The following ANKDD1B variants were observed in gnomAD, a reference collection of about 807,000 sequenced individuals.
The protein encoded by ANKDD1B is ankyrin repeat and death domain containing 1B.
In ANKDD1B, 57 loss-of-function variants were observed where a neutral mutation model predicts 59.7. The observed-to-expected ratio is 0.95, with a 90% CI of 0.77 to 1.19. ANKDD1B has a LOEUF of 1.19. ANKDD1B is among the 50% of genes most tolerant of loss of function. The pLI is 0.00. For missense variants in ANKDD1B, 602 were observed against 641.9 expected (o/e 0.94, Z 0.67); for synonymous variants, 216 against 239.5 (o/e 0.90, Z 0.91).
intron 1 of ANKDD1B, among the ~76,000 whole-genome samples, chr5:75,612,332 T>TCCGCC (rs1170841613): frequency 3.1e-5 from 1 of 32,178 alleles, no homozygotes; most frequent in African/African-American, 1.1e-4. Context: ...CCCCCCGCCC[T>TCCGCC]CCGCCCCGCC....
At chr5:75,648,369 C>T (rs1176771343) in intron 7 of ANKDD1B, among the ~76,000 whole-genome samples, 2 of 151,756 alleles carry the variant, frequency 1.3e-5, no homozygotes, top group East Asian at 1.9e-4. Context: ...GCCTCCTTGT[C>T]CCCAGTCGGT....
chr5:75,621,186 G>T (rs1483240352), intron 3 of ANKDD1B, among the ~76,000 whole-genome samples: 1 of 152,166 alleles, frequency 6.6e-6, no homozygotes, highest in African/African-American at 2.4e-5. Context: ...AGGGCCAGTA[G>T]AGAAAAATGA....
intron 1 of ANKDD1B, among the ~76,000 whole-genome samples, chr5:75,613,891 C>T (rs934129416): frequency 2.6e-5 from 4 of 152,126 alleles, no homozygotes; most frequent in African/African-American, 9.7e-5. Context: ...TTTTGGGAGG[C>T]CAGGTGAGAG....
At chr5:75,626,923 A>G (rs1348829473) in intron 5 of ANKDD1B, among the ~76,000 whole-genome samples, 2 of 152,196 alleles carry the variant, frequency 1.3e-5, no homozygotes, top group African/African-American at 2.4e-5. Context: ...CTACACCATA[A>G]AAGTTTCTTT....
At chr5:75,618,098 T>C (rs772678263) in intron 2 of ANKDD1B, among the ~76,000 whole-genome samples, 1 of 151,004 alleles carries the variant, frequency 6.6e-6, no homozygotes, top group Non-Finnish European at 1.5e-5. Flanking sequence ...GTAACAATTT[T>C]AGGGACAAAA....
chr5:75,659,192 T>A, intron 9 of ANKDD1B, 91 bp from the exon 10 acceptor site: 3 of 864,964 alleles, frequency 3.5e-6, no homozygotes, highest in South Asian at 2.9e-5. Flanking sequence ...ATATATGACC[T>A]GTGTTTTCCC....
intron 1 of ANKDD1B, among the ~76,000 whole-genome samples, chr5:75,612,637 G>A (rs556016633): frequency 1.1e-4 from 17 of 152,282 alleles, no homozygotes; most frequent in African/African-American, 4.1e-4. Context: ...GGGTTGGAGA[G>A]AACAAGACAA....
At position 75,648,253 on chromosome 5, in the gene ANKDD1B, T is replaced by TA. The variant is rs1192638336; in HGVS notation, c.799-4877dup. 8.7e-3 allele frequency among the ~76,000 whole-genome samples: 323 copies of TA among 37,294 alleles called. 1 individual carries two copies. The highest frequency in any genetic ancestry group is 0.026 in the African/African-American group (270 of 10,502). 24.5% of individuals were successfully genotyped at this position (37,294 alleles called of 152,430 possible). A position where few individuals can be genotyped will look rare whatever the true frequency, so the allele number is the denominator to read the frequency against. ...TGTACCCTAAAACTTAAAGTATAAT[T>TA]AAAAAAAAAAAATTAAAAAAAAAAA... On this transcript the variant is annotated intron_variant, in intron 7 of 13. Coordinates refer to ENST00000601380, the MANE Select transcript of ANKDD1B (RefSeq NM_001276713.2).
At chr5:75,625,515 T>C in intron 3 of ANKDD1B, 132 bp from the exon 4 acceptor site, 2 of 691,818 alleles carry the variant, frequency 2.9e-6, no homozygotes, top group Non-Finnish European at 4.8e-6. Context: ...AAATATCACT[T>C]TTGCTGCATA....
At chr5:75,630,790 C>T (rs1188276379) in intron 5 of ANKDD1B, among the ~76,000 whole-genome samples, 2 of 152,168 alleles carry the variant, frequency 1.3e-5, no homozygotes, top group South Asian at 2.1e-4. Context: ...CATGGCTGGA[C>T]CCAGCTCTTT....
chr5:75,666,643 A>G, intron 11 of ANKDD1B, 149 bp from the exon 12 acceptor site: 1 of 393,470 alleles, frequency 2.5e-6, no homozygotes, highest in Non-Finnish European at 4.3e-6. Flanking sequence ...AAAAAAAAAA[A>G]ATATATATAT....
rs999281985 is a variant in ANKDD1B, at chr5:75,611,630, A to AGACTATGG, written c.-4_4dup. 1.6e-6 allele frequency: 2 copies of AGACTATGG among 1,230,626 alleles called. No individual in the cohort carries two copies. Among genetic ancestry groups the AGACTATGG allele is most frequent in the African/African-American group, 3.1e-5 (2 of 64,012 alleles). 76.2% of individuals were successfully genotyped at this position (1,230,626 alleles called of 1,614,324 possible). A position where few individuals can be genotyped will look rare whatever the true frequency, so the allele number is the denominator to read the frequency against. On this transcript the variant is annotated 5_prime_UTR_variant, in exon 1 of 14. In the 5' UTR this introduces an upstream ATG that the reference lacks. Transcript: ENST00000601380. ...GCCCTGCGCTCAGGGCCCGCGGAGGAGACTATGGACCCCGCCGGGCGCGCC... is the reference window on the plus strand; with the variant it reads ...GCCCTGCGCTCAGGGCCCGCGGAGGAGACTATGGGACTATGGACCCCGCCGGGCGCGCC...
At chr5:75,639,026 A>G (rs534451800) in intron 7 of ANKDD1B, among the ~76,000 whole-genome samples, 23 of 152,340 alleles carry the variant, frequency 1.5e-4, no homozygotes, top group Middle Eastern at 3.4e-3. Flanking sequence ...AGTAGATTGT[A>G]GGGTCCAAGA....
intron 13 of ANKDD1B, 123 bp downstream of exon 13, chr5:75,669,506 A>G (rs1775414355): frequency 1.2e-6 from 1 of 831,344 alleles, no homozygotes; most frequent in Non-Finnish European, 1.6e-6. Context: ...CACACGGAGT[A>G]TGGAACTATG....
At chr5:75,639,909 T>A (rs1044067469) in intron 7 of ANKDD1B, among the ~76,000 whole-genome samples, 12 of 152,256 alleles carry the variant, frequency 7.9e-5, no homozygotes, top group Admixed American at 1.3e-4. Context: ...GAGATTTTTT[T>A]AATTAATGTT....
chr5:75,643,286 A>C, intron 7 of ANKDD1B, among the ~76,000 whole-genome samples: 1 of 61,674 alleles, frequency 1.6e-5, no homozygotes, highest in African/African-American at 1.7e-4. Context: ...GCTTCAGACG[A>C]TCAAATTACT....
At chr5:75,661,532 G>T (rs1043785228) in intron 10 of ANKDD1B, among the ~76,000 whole-genome samples, 3 of 151,406 alleles carry the variant, frequency 2.0e-5, no homozygotes, top group African/African-American at 7.3e-5. Flanking sequence ...TTCACCAGTT[G>T]TGCCTGGTTA....
intron 1 of ANKDD1B, among the ~76,000 whole-genome samples, chr5:75,612,177 AAT>A (rs1331397117): frequency 2.0e-5 from 3 of 152,162 alleles, no homozygotes; most frequent in African/African-American, 7.2e-5. Context: ...TCTGACTTTA[AAT>A]AAGTCAGTCA....
In ANKDD1B at chr5:75,625,901, C is replaced by A; in HGVS notation, c.546C>A (p.Ile182=). 1 of 1,536,164 alleles carries A rather than the reference C, an allele frequency of 6.5e-7. No homozygotes were observed. The highest frequency in any genetic ancestry group is 8.7e-7 in the Non-Finnish European group (1 of 1,146,882). ...CCACTCAGAGCAATCATGTGCGCAT[C>A]GTGGAGTATCTTATTCAAGATCTGC... is the stretch of plus-strand genomic sequence containing the variant. ...HFATQSNHVR[I]VEYLIQDLHL... The change falls in exon 5 of 14, where the codon ATC becomes ATA. Residue 182 remains isoleucine (I), a synonymous_variant. Coordinates refer to ENST00000601380, the MANE Select transcript of ANKDD1B (RefSeq NM_001276713.2).
Sources: gnomAD v4.1 joint callset for allele counts (sites outside exome capture counted in the v4.1 genomes callset) on GRCh38, gnomAD v4.1.1 for gene constraint, MANE v1.5 for transcripts, NCBI Gene and HGNC (gene_info 2026-07-23, HGNC 2026-07-21) for gene names.